The following ZFAND3 variants were observed in gnomAD, a reference collection of about 807,000 sequenced individuals.
ZFAND3 encodes zinc finger AN1-type containing 3.
A neutral mutation model predicts 29.6 loss-of-function variants in ZFAND3; 10 were observed. The observed-to-expected ratio is 0.34, with a 90% confidence interval of 0.21 to 0.57. The LOEUF is 0.57. Ranked by LOEUF, ZFAND3 falls within the 20% of genes least tolerant of loss-of-function variation. ZFAND3 has a pLI of 0.86. For synonymous variants in ZFAND3, 128 were observed against 112.6 expected (o/e 1.14, Z -0.87); for missense variants, 230 against 304.5 (o/e 0.76, Z 1.82).
intron 2 of ZFAND3, among the ~76,000 whole-genome samples, chr6:37,932,379 C>T (rs556762736): frequency 3.9e-5 from 6 of 152,206 alleles, no homozygotes; most frequent in Admixed American, 2.6e-4. Flanking sequence ...ATAGTGAAGA[C>T]GAAAGTAGCA....
chr6:37,950,738 C>T (rs1761984147), intron 2 of ZFAND3, among the ~76,000 whole-genome samples: 2 of 152,076 alleles, frequency 1.3e-5, no homozygotes, highest in Non-Finnish European at 2.9e-5. Flanking sequence ...TAACCTGTTC[C>T]GTTGGTCTGT....
At chr6:38,037,164 A>G (rs953866359) in intron 2 of ZFAND3, among the ~76,000 whole-genome samples, 2 of 152,238 alleles carry the variant, frequency 1.3e-5, no homozygotes, top group African/African-American at 4.8e-5. Context: ...TCCCTTGGCC[A>G]TGTCTACCTT....
At chr6:37,992,105 A>C (rs1762769632) in intron 2 of ZFAND3, among the ~76,000 whole-genome samples, 1 of 152,158 alleles carries the variant, frequency 6.6e-6, no homozygotes, top group African/African-American at 2.4e-5. Context: ...CTTGCAACTT[A>C]TGTAACAAGT....
chr6:37,848,767 G>A (rs754325260), intron 1 of ZFAND3, among the ~76,000 whole-genome samples: 29 of 152,070 alleles, frequency 1.9e-4, no homozygotes, highest in African/African-American at 3.6e-4. Flanking sequence ...TTGTGTTTGC[G>A]TCTTTATGTT....
chr6:37,822,777 G>A (rs1020103700), intron 1 of ZFAND3, among the ~76,000 whole-genome samples: 1 of 152,178 alleles, frequency 6.6e-6, no homozygotes, highest in Non-Finnish European at 1.5e-5. Flanking sequence ...CAGGCAGTGG[G>A]ACTAACATGG....
chr6:37,969,947 A>G (rs1762358052), intron 2 of ZFAND3, among the ~76,000 whole-genome samples: 2 of 152,002 alleles, frequency 1.3e-5, no homozygotes, highest in African/African-American at 4.8e-5. Flanking sequence ...GCCGGGCGCC[A>G]GTGACCTCAG....
In ZFAND3 at chr6:38,010,724, C is replaced by T. The variant is rs568678473; in HGVS notation, c.113-50869C>T. On this transcript the variant is annotated intron_variant, in intron 2 of 5. Transcript: ENST00000287218. The stretch of plus-strand genomic sequence containing the variant: ...AAGCAATTCTCTTGCCTCAGCCTCC[C>T]GAGTAGCTGGGATTACAGGCGCCTG... 2.0e-5 allele frequency among the ~76,000 whole-genome samples: 3 copies of T among 151,614 alleles called. No homozygotes were observed. In the East Asian group the frequency reaches 5.8e-4, roughly 29 times the overall value.
At chr6:37,838,659 C>G (rs900941401) in intron 1 of ZFAND3, among the ~76,000 whole-genome samples, 2 of 152,130 alleles carry the variant, frequency 1.3e-5, no homozygotes, top group African/African-American at 2.4e-5. Context: ...TACTTCATGT[C>G]TTTTTGTGGC....
intron 4 of ZFAND3, among the ~76,000 whole-genome samples, chr6:38,095,952 G>C (rs975561783): frequency 6.6e-5 from 10 of 151,930 alleles, no homozygotes; most frequent in Non-Finnish European, 1.5e-4. Context: ...AGGATCACCT[G>C]AGCCCAGGAG....
chr6:37,968,182 A>G (rs993623404), intron 2 of ZFAND3, among the ~76,000 whole-genome samples: 1 of 152,106 alleles, frequency 6.6e-6, no homozygotes, highest in Non-Finnish European at 1.5e-5. Context: ...CTATCTCTAG[A>G]AGTCTCATTA....
At chr6:37,872,199 C>A (rs545868987) in intron 1 of ZFAND3, among the ~76,000 whole-genome samples, 1 of 152,148 alleles carries the variant, frequency 6.6e-6, no homozygotes, top group Non-Finnish European at 1.5e-5. Flanking sequence ...TTCCCTCAGG[C>A]AAAAAGCCAT....
At chr6:37,975,710 G>GT (rs983433526) in intron 2 of ZFAND3, among the ~76,000 whole-genome samples, 24 of 151,732 alleles carry the variant, frequency 1.6e-4, no homozygotes, top group African/African-American at 4.4e-4. Context: ...ATATGTGGGG[G>GT]TTTTTTTTCT....
At chr6:38,006,508 A>ACAAGCTG (rs562179356) in intron 2 of ZFAND3, among the ~76,000 whole-genome samples, 340 of 152,298 alleles carry the variant, frequency 2.2e-3, no homozygotes, top group Admixed American at 3.9e-3. Context: ...TTAATGCAAG[A>ACAAGCTG]CAACCTGCTT....
At chr6:37,932,517 G>T (rs1029612185) in intron 2 of ZFAND3, among the ~76,000 whole-genome samples, 5 of 152,070 alleles carry the variant, frequency 3.3e-5, no homozygotes, top group Non-Finnish European at 7.4e-5. Flanking sequence ...TGAATTAGGG[G>T]TACTCAACCT....
chr6:37,942,977 G>A (rs1761837701), intron 2 of ZFAND3, among the ~76,000 whole-genome samples: 1 of 152,104 alleles, frequency 6.6e-6, no homozygotes. Context: ...AGAAAGACTT[G>A]GTGACAGGTT....
At position 37,993,710 on chromosome 6, in the gene ZFAND3, G is replaced by A. The variant is rs1001393716; in HGVS notation, c.112+63711G>A. ...TGTTACCAATAAAGTATGTGTGCAC[G>A]TGTCATTTCCTTTAAAAACTCAGGA... On this transcript the variant is annotated intron_variant, in intron 2 of 5. Coordinates refer to ENST00000287218, the MANE Select transcript of ZFAND3 (RefSeq NM_021943.3). Among the ~76,000 whole-genome samples the A allele has an allele frequency of 9.9e-5, 15 of 152,094 alleles. No homozygotes were observed. The South Asian group carries it at 1.7e-3, about 17-fold the overall frequency.
intron 2 of ZFAND3, among the ~76,000 whole-genome samples, chr6:38,046,291 G>A (rs1274414525): frequency 2.6e-5 from 4 of 152,202 alleles, no homozygotes; most frequent in Non-Finnish European, 4.4e-5. Context: ...GAACTTGATC[G>A]TTTAATTTGT....
chr6:37,870,699 A>G (rs767844149), intron 1 of ZFAND3, among the ~76,000 whole-genome samples: 5 of 151,846 alleles, frequency 3.3e-5, no homozygotes, highest in South Asian at 2.1e-4. Flanking sequence ...TTTGTGAATG[A>G]ATGAGACAGG....
chr6:37,924,312 C>CTT lies in ZFAND3; in HGVS notation c.72-5630_72-5629dup, dbSNP rs34276814. Among the ~76,000 whole-genome samples, 344 of 127,272 alleles carry CTT rather than the reference C, an allele frequency of 2.7e-3. 2 individuals carry two copies. Among genetic ancestry groups the CTT allele is most frequent in the African/African-American group, 9.6e-3 (323 of 33,758 alleles). The allele number at this position is 127,272 out of a possible 152,430, so 83.5% of individuals were successfully genotyped here. ...TACATTTCAAATATCTACTTAAGTG[C>CTT]TTTTTTTTTTTTTTTTTTAATGGTT... On this transcript the variant is annotated intron_variant, in intron 1 of 5. Coordinates refer to ENST00000287218, the MANE Select transcript of ZFAND3 (RefSeq NM_021943.3).
Sources: allele counts gnomAD v4.1 joint callset (sites outside exome capture counted in the v4.1 genomes callset), GRCh38; gene constraint gnomAD v4.1.1; transcripts MANE v1.5; gene names NCBI Gene and HGNC (gene_info 2026-07-23, HGNC 2026-07-21).